ANK2: variants seen among roughly 807,000 people sequenced by gnomAD.
ANK2 encodes ankyrin-2.
Under a neutral mutation model 360.5 loss-of-function variants are expected in ANK2, and 83 were observed. The ratio of observed to expected loss-of-function variants is 0.23; its 90% CI spans 0.19 to 0.28. The LOEUF is 0.28. ANK2 is among the 10% of genes least tolerant of loss of function. The pLI is 1.00. For missense variants in ANK2, 4,201 were observed against 4,795.7 expected, an observed-to-expected ratio of 0.88 and a Z score of 3.66; for synonymous variants, 1,740 against 1,759.5, an observed-to-expected ratio of 0.99 and a Z score of 0.28.
chr4:112,964,495 A>G (rs920586499), intron 2 of ANK2, among the ~76,000 whole-genome samples: 1 of 152,108 alleles, frequency 6.6e-6, no homozygotes, highest in African/African-American at 2.4e-5. Context: ...AGGTTGTTGC[A>G]AATGACTGAA....
At chr4:113,242,638 T>C (rs1304872243) in intron 9 of ANK2, among the ~76,000 whole-genome samples, 1 of 152,232 alleles carries the variant, frequency 6.6e-6, no homozygotes, top group Non-Finnish European at 1.5e-5. Flanking sequence ...TCCTAATTCA[T>C]TTTTCTTAAG....
chr4:113,229,626 G>A (rs1380862735), intron 4 of ANK2, among the ~76,000 whole-genome samples: 1 of 152,172 alleles, frequency 6.6e-6, no homozygotes, highest in Non-Finnish European at 1.5e-5. Context: ...AAGTGTGAGT[G>A]AGCACTGGAG....
intron 1 of ANK2, among the ~76,000 whole-genome samples, chr4:113,157,048 A>G (rs1057382715): frequency 6.6e-6 from 1 of 152,126 alleles, no homozygotes; most frequent in Admixed American, 6.5e-5. Flanking sequence ...AAGTATTTCT[A>G]TGTTTCTTAA....
chr4:112,805,280 T>A, the ANK2 span, among the ~76,000 whole-genome samples: 1 of 152,086 alleles, frequency 6.6e-6, no homozygotes, highest in Admixed American at 6.5e-5. Context: ...GGAAATTCTT[T>A]AAAAAAATGA....
intron 1 of ANK2, among the ~76,000 whole-genome samples, chr4:112,863,557 C>G (rs1172426966): frequency 8.3e-6 from 1 of 120,332 alleles, no homozygotes. Context: ...GAGTCTCGCT[C>G]TGTCACCCAG....
At chr4:113,237,506 C>CG in intron 6 of ANK2, 93 bp from the exon 7 acceptor site, 3 of 1,263,612 alleles carry the variant, frequency 2.4e-6, no homozygotes, top group Non-Finnish European at 3.5e-6. Context: ...CATGTTGGAA[C>CG]AGTATACCCA....
intron 2 of ANK2, among the ~76,000 whole-genome samples, chr4:112,928,410 A>G (rs1297181210): frequency 1.3e-5 from 2 of 152,088 alleles, no homozygotes; most frequent in East Asian, 3.8e-4. Context: ...TCCATTGTCA[A>G]CCATAAAAAT....
chr4:112,746,160 G>A, the ANK2 span, among the ~76,000 whole-genome samples: 1 of 151,976 alleles, frequency 6.6e-6, no homozygotes, highest in Admixed American at 6.6e-5. Flanking sequence ...AATTAAATTA[G>A]CAAGTATGGC....
At chr4:113,227,008 G>A (rs2099231655) in intron 4 of ANK2, among the ~76,000 whole-genome samples, 1 of 152,162 alleles carries the variant, frequency 6.6e-6, no homozygotes, top group African/African-American at 2.4e-5. Context: ...AAAGCACCTG[G>A]ATGCATATAC....
chr4:112,788,496 T>A, the ANK2 span: 4 of 1,585,436 alleles, frequency 2.5e-6, no homozygotes, highest in Non-Finnish European at 3.5e-6. Context: ...GGTCTCTTGG[T>A]GGGGACGTCC....
chr4:113,265,806 C>T (rs1484758046), intron 14 of ANK2, among the ~76,000 whole-genome samples: 1 of 152,052 alleles, frequency 6.6e-6, no homozygotes, highest in East Asian at 1.9e-4. Flanking sequence ...AATAATTTCC[C>T]TCCTTCTTCA....
At chr4:112,854,935 A>G (rs1028487597) in intron 1 of ANK2, among the ~76,000 whole-genome samples, 1 of 152,014 alleles carries the variant, frequency 6.6e-6, no homozygotes, top group African/African-American at 2.4e-5. Flanking sequence ...TTTTCTTTTG[A>G]CTGGGTGTTA....
chr4:112,877,804 A>G (rs1273277716), intron 1 of ANK2, among the ~76,000 whole-genome samples: 1 of 152,090 alleles, frequency 6.6e-6, no homozygotes. Flanking sequence ...TTTTACCTCC[A>G]TCTTAATGCT....
In ANK2 at chr4:113,367,552, C is replaced by A; in HGVS notation, c.11033-14C>A. 2 of 1,613,174 alleles carry A rather than the reference C, an allele frequency of 1.2e-6. No homozygotes were observed. Among genetic ancestry groups the A allele is most frequent in the Non-Finnish European group, 1.7e-6 (2 of 1,179,546 alleles). ...GTAAGCTTCAACTAAATACTTAAAT[C>A]ATTCTGCCTTTAGGGTTCTCGGTAC... On this transcript the variant is annotated splice_polypyrimidine_tract_variant and intron_variant, in intron 41 of 45. Transcript: ENST00000357077.
the ANK2 span, among the ~76,000 whole-genome samples, chr4:112,806,593 G>A: frequency 1.3e-5 from 2 of 152,126 alleles, no homozygotes; most frequent in African/African-American, 4.8e-5. Context: ...GCTTTGGGAG[G>A]CTGAGGCAGG....
upstream of ANK2, among the ~76,000 whole-genome samples, chr4:113,048,276 ATTTTTTTTTTTTTTTT>A (rs1165941601): frequency 2.0e-4 from 8 of 39,744 alleles, no homozygotes; most frequent in African/African-American, 6.6e-4. Context: ...ATATATATAT[ATTTTTTTTTTTTTTTT>A]TTTTTTTTTT....
At chr4:113,104,016 G>A (rs1212096061) in intron 1 of ANK2, among the ~76,000 whole-genome samples, 1 of 152,062 alleles carries the variant, frequency 6.6e-6, no homozygotes, top group Non-Finnish European at 1.5e-5. Context: ...AATACCAAGG[G>A]TCTCGGAAAC....
the ANK2 span, among the ~76,000 whole-genome samples, chr4:112,740,921 C>T: frequency 6.6e-6 from 1 of 151,816 alleles, no homozygotes; most frequent in Non-Finnish European, 1.5e-5. Flanking sequence ...ACCCGGGAGG[C>T]AGAGGTTGCA....
chr4:112,765,465 C>T, the ANK2 span, among the ~76,000 whole-genome samples: 1 of 152,160 alleles, frequency 6.6e-6, no homozygotes, highest in South Asian at 2.1e-4. Context: ...CTCTATTTCA[C>T]TGTTAGCTTG....
Sources: allele counts gnomAD v4.1 joint callset (sites outside exome capture counted in the v4.1 genomes callset), GRCh38; gene constraint gnomAD v4.1.1; transcripts MANE v1.5; gene names NCBI Gene and HGNC (gene_info 2026-07-23, HGNC 2026-07-21).